Variants in CLEC16A observed in about 807,000 individuals in gnomAD.
The protein encoded by CLEC16A is C-type lectin domain containing 16A, also known as protein CLEC16A.
A neutral mutation model predicts 109.5 loss-of-function variants in CLEC16A; 51 were observed. That is an observed-to-expected ratio of 0.47 (90% CI 0.37 to 0.59). The LOEUF (loss-of-function observed/expected upper bound fraction) is 0.59, where lower values mean the gene tolerates loss of function less well. Ranked by LOEUF, CLEC16A falls within the 20% of genes least tolerant of loss-of-function variation. The probability of loss-of-function intolerance (pLI) is 0.00; values close to 1 mark genes in which losing one functional copy is unlikely to be tolerated. For missense variants in CLEC16A, 1,339 were observed against 1,394.0 expected (o/e 0.96, Z 0.63); for synonymous variants, 673 against 564.2 (o/e 1.19, Z -2.73).
intron 21 of CLEC16A, among the ~76,000 whole-genome samples, chr16:11,125,097 C>A (rs1365974528): frequency 6.6e-6 from 1 of 152,106 alleles, no homozygotes; most frequent in Non-Finnish European, 1.5e-5. Context: ...TCAAAATAAA[C>A]CCTCAGAGGG....
At chr16:11,096,912 G>C (rs2050638368) in intron 19 of CLEC16A, among the ~76,000 whole-genome samples, 1 of 152,146 alleles carries the variant, frequency 6.6e-6, no homozygotes, top group Non-Finnish European at 1.5e-5. Context: ...CACATAAACG[G>C]TACAGGTGGT....
At chr16:11,039,960 A>G in intron 14 of CLEC16A, 84 bp downstream of exon 14, 2 of 1,491,356 alleles carry the variant, frequency 1.3e-6, no homozygotes, top group South Asian at 2.7e-5. Flanking sequence ...CCTGGGTGCT[A>G]GGCCTGAGCC....
chr16:11,094,173 C>T (rs2050472797), intron 19 of CLEC16A, among the ~76,000 whole-genome samples: 1 of 152,170 alleles, frequency 6.6e-6, no homozygotes, highest in South Asian at 2.1e-4. Context: ...TACAGGGCCC[C>T]TTCCCAGCCT....
At chr16:10,965,112 C>T (rs2042439028) in intron 3 of CLEC16A, among the ~76,000 whole-genome samples, 1 of 152,190 alleles carries the variant, frequency 6.6e-6, no homozygotes, top group Non-Finnish European at 1.5e-5. Flanking sequence ...CTTAGATTCT[C>T]CCTGTAATTG....
At chr16:10,946,864 C>A (rs762512482) in intron 1 of CLEC16A, among the ~76,000 whole-genome samples, 15 of 152,328 alleles carry the variant, frequency 9.8e-5, no homozygotes, top group African/African-American at 3.6e-4. Context: ...CAGTGACTTG[C>A]CCCCAGGTGT....
At chr16:11,148,228 C>T (rs1040240641) in intron 22 of CLEC16A, among the ~76,000 whole-genome samples, 1 of 152,136 alleles carries the variant, frequency 6.6e-6, no homozygotes, top group Non-Finnish European at 1.5e-5. Flanking sequence ...TGTTCCGGAA[C>T]TTATTTCCTG....
intron 22 of CLEC16A, among the ~76,000 whole-genome samples, chr16:11,142,871 C>T (rs2053900674): frequency 6.6e-6 from 1 of 152,198 alleles, no homozygotes; most frequent in African/African-American, 2.4e-5. Flanking sequence ...AGTGCAGTGG[C>T]ACAATCTCAG....
chr16:11,093,215 A>G (rs1365759693), intron 19 of CLEC16A, among the ~76,000 whole-genome samples: 1 of 152,222 alleles, frequency 6.6e-6, no homozygotes, highest in African/African-American at 2.4e-5. Context: ...AGAGTGAGAG[A>G]GAGAAGGGCA....
chr16:10,948,505 C>T (rs1018599615), intron 1 of CLEC16A, among the ~76,000 whole-genome samples: 4 of 152,136 alleles, frequency 2.6e-5, no homozygotes, highest in Non-Finnish European at 4.4e-5. Flanking sequence ...GACAAATGTC[C>T]ACCACCAAGC....
At chr16:11,169,012 G>A (rs541254267) in intron 23 of CLEC16A, among the ~76,000 whole-genome samples, 65 of 152,318 alleles carry the variant, frequency 4.3e-4, no homozygotes, top group African/African-American at 1.3e-3. Context: ...GCCAGGCAGC[G>A]GGGTGGGCCA....
intron 11 of CLEC16A, among the ~76,000 whole-genome samples, chr16:11,008,843 A>C (rs1293337990): frequency 4.7e-5 from 7 of 150,510 alleles, no homozygotes; most frequent in Non-Finnish European, 8.9e-5. Context: ...AAAAAAAAAA[A>C]AAAAAACTAG....
At chr16:11,054,668 C>T (rs1164931524) in intron 18 of CLEC16A, among the ~76,000 whole-genome samples, 1 of 152,256 alleles carries the variant, frequency 6.6e-6, no homozygotes, top group East Asian at 1.9e-4. Flanking sequence ...TCCTTTGTGA[C>T]TTTAATAATT....
intron 22 of CLEC16A, among the ~76,000 whole-genome samples, chr16:11,149,735 G>C (rs2153077740): frequency 6.6e-6 from 1 of 151,446 alleles, no homozygotes; most frequent in South Asian, 2.1e-4. Flanking sequence ...GTTGCAGTGA[G>C]CCAAGATCAC....
At chr16:10,975,283 C>T (rs1463542295) in intron 7 of CLEC16A, among the ~76,000 whole-genome samples, 1 of 152,024 alleles carries the variant, frequency 6.6e-6, no homozygotes, top group Non-Finnish European at 1.5e-5. Flanking sequence ...GAGCTGAGAT[C>T]GCACCACTGC....
At chr16:11,018,624 C>T (rs1265246293) in intron 11 of CLEC16A, among the ~76,000 whole-genome samples, 1 of 151,896 alleles carries the variant, frequency 6.6e-6, no homozygotes, top group Non-Finnish European at 1.5e-5. Flanking sequence ...TGGCGGGTGC[C>T]TGTAGTCCCA....
chr16:11,044,141 T>G, intron 16 of CLEC16A, 69 bp downstream of exon 16: 5 of 1,362,060 alleles, frequency 3.7e-6, no homozygotes, highest in Non-Finnish European at 5.0e-6. Flanking sequence ...GGTGTCTGGT[T>G]CTATGCAGAT....
chr16:11,135,820 G>A (rs561258391), intron 22 of CLEC16A, among the ~76,000 whole-genome samples: 68 of 152,386 alleles, frequency 4.5e-4, no homozygotes, highest in African/African-American at 1.5e-3. Flanking sequence ...GTGGCAGAGC[G>A]GGTGGCTTGG....
intron 22 of CLEC16A, among the ~76,000 whole-genome samples, chr16:11,148,866 A>G (rs1198057540): frequency 6.6e-6 from 1 of 152,242 alleles, no homozygotes; most frequent in East Asian, 1.9e-4. Flanking sequence ...TCAGGCCCAG[A>G]AGAGCCACAA....
At chr16:11,073,203 G>T (rs1043476225) in intron 19 of CLEC16A, among the ~76,000 whole-genome samples, 2 of 152,140 alleles carry the variant, frequency 1.3e-5, no homozygotes, top group Non-Finnish European at 2.9e-5. Flanking sequence ...CCTGTTCTCT[G>T]CCCCCACCCC....
Sources: allele counts gnomAD v4.1 joint callset (sites outside exome capture counted in the v4.1 genomes callset), GRCh38; gene constraint gnomAD v4.1.1; transcripts MANE v1.5; gene names NCBI Gene and HGNC (gene_info 2026-07-23, HGNC 2026-07-21).